LHX8: variants seen among roughly 807,000 people sequenced by gnomAD.
LHX8 encodes LIM homeobox 8.
Under a neutral mutation model 40.3 loss-of-function variants are expected in LHX8, and 12 were observed. That is an observed-to-expected ratio of 0.30 (90% confidence interval 0.19 to 0.48). The LOEUF (loss-of-function observed/expected upper bound fraction) is 0.48, where lower values mean the gene tolerates loss of function less well. Ranked by LOEUF, LHX8 falls within the 20% of genes least tolerant of loss-of-function variation. LHX8 has a pLI of 0.99. For synonymous variants in LHX8, 179 were observed against 162.0 expected (o/e 1.10, Z -0.80); for missense variants, 344 against 433.7 (o/e 0.79, Z 1.84).
intron 3 of LHX8, 32 bp downstream of exon 3, chr1:75,137,293 G>A (rs747178032): frequency 6.2e-7 from 1 of 1,604,932 alleles, no homozygotes; most frequent in Non-Finnish European, 8.5e-7. Context: ...GAGGCCCAAG[G>A]GGAGCGGGCT....
At chr1:75,137,342 A>C in intron 3 of LHX8, 81 bp downstream of exon 3, 1 of 1,410,924 alleles carries the variant, frequency 7.1e-7, no homozygotes, top group Non-Finnish European at 9.9e-7. Context: ...TGTTCCTCCC[A>C]CCAACCTTTC....
chr1:75,130,410 T>A, upstream of LHX8: 1 of 528,374 alleles, frequency 1.9e-6, no homozygotes, highest in Non-Finnish European at 3.4e-6. Context: ...CAGACCGCAG[T>A]GAGGAATGCC....
Position 75,148,598 on chromosome 1 carries a change from A to G in LHX8, c.696A>G (p.Ala232=). ...GTTTTAAACAACAGGTTATGCAAGCACAATTTGCTCAGGACAACAACCCAG... is the reference window on the plus strand; with the variant it reads ...GTTTTAAACAACAGGTTATGCAAGCGCAATTTGCTCAGGACAACAACCCAG... ...FTADQLQVMQ[A]QFAQDNNPDA... is the part of the protein sequence containing the mutation. The change falls in exon 7 of 9, where the codon GCA becomes GCG. Residue 232 remains alanine, a synonymous_variant. Coordinates refer to ENST00000356261, the MANE Select transcript of LHX8 (RefSeq NM_001256114.2). 3 of 1,613,672 alleles carry G rather than the reference A, an allele frequency of 1.9e-6. No homozygotes were observed. Among genetic ancestry groups the G allele is most frequent in the Non-Finnish European group, 2.5e-6 (3 of 1,179,620 alleles).
rs541563328 is a variant in LHX8 at position 75,135,907 on chromosome 1, C to G, written c.-12-696C>G. On this transcript the variant is annotated intron_variant, in intron 1 of 8. Coordinates refer to ENST00000356261, the MANE Select transcript of LHX8 (RefSeq NM_001256114.2). ...AGTGGCAATTTACACCTTAAAGAAACGAGTGTAAATCACTCGCCACTCTAA... is the reference window on the plus strand; with the variant it reads ...AGTGGCAATTTACACCTTAAAGAAAGGAGTGTAAATCACTCGCCACTCTAA... Among the ~76,000 whole-genome samples, 633 of 152,230 alleles carry G rather than the reference C, an allele frequency of 4.2e-3. 4 individuals carry two copies. Among genetic ancestry groups the G allele is most frequent in the African/African-American group, 0.014 (602 of 41,534 alleles).
At chr1:75,166,256 C>T (rs1363496850), downstream of LHX8, among the ~76,000 whole-genome samples, 1 of 152,210 alleles carries the variant, frequency 6.6e-6, no homozygotes, top group Non-Finnish European at 1.5e-5. Flanking sequence ...TTTACTCCAA[C>T]CTCCCTACAA....
chr1:75,153,700 C>T (rs543353644), intron 7 of LHX8, among the ~76,000 whole-genome samples: 8 of 152,304 alleles, frequency 5.3e-5, no homozygotes, highest in East Asian at 1.9e-4. Flanking sequence ...TGAGCCACCA[C>T]GCCGGGTCTA....
At chr1:75,197,917 C>A in the LHX8 span, among the ~76,000 whole-genome samples, 2 of 152,174 alleles carry the variant, frequency 1.3e-5, no homozygotes, top group South Asian at 4.1e-4. Flanking sequence ...AGCCTATGAT[C>A]ATCCAGTTAT....
At chr1:75,170,345 A>G in the LHX8 span, among the ~76,000 whole-genome samples, 5 of 152,318 alleles carry the variant, frequency 3.3e-5, no homozygotes, top group Non-Finnish European at 7.4e-5. Flanking sequence ...TCATAGCACA[A>G]AATCACTCAG....
chr1:75,143,107 A>G lies in LHX8; in HGVS notation c.360-11A>G. The G allele has an allele frequency of 6.2e-7, 1 of 1,603,718 alleles. No homozygotes were observed. The highest frequency in any genetic ancestry group is 8.5e-7 in the Non-Finnish European group (1 of 1,170,954). On this transcript the variant is annotated splice_polypyrimidine_tract_variant and intron_variant, in intron 4 of 8. Transcript: ENST00000356261. ...TAAAATATTTACCTTCCACACCTCT[A>G]TTTAATGTAGAAGGTATGGAACTCG...
chr1:75,137,188 G>C lies in LHX8; in HGVS notation c.164G>C (p.Gly55Ala). The change falls in exon 3 of 9, where the codon GGC (glycine) becomes GCC (alanine). Residue 55 changes from glycine to alanine, a missense_variant. By Grantham distance (60) the Gly-to-Ala change is moderately conservative (BLOSUM62 0). This residue lies in a region of LHX8 where 108 missense variants were observed against 90.1 expected (regional missense o/e 1.20). Coordinates refer to ENST00000356261, the MANE Select transcript of LHX8 (RefSeq NM_001256114.2). ...PSSSPRSMAS[G>A]SGCPPGKCVC... Reference sequence around the variant, plus strand: ...TCCTCGCCCCGGTCCATGGCCTCGGGCTCCGGCTGCCCTCCTGGCAAGTGT... The same window carrying C: ...TCCTCGCCCCGGTCCATGGCCTCGGCCTCCGGCTGCCCTCCTGGCAAGTGT... 6.2e-7 allele frequency: 1 copy of C among 1,613,560 alleles called. No homozygotes were observed. Among genetic ancestry groups the C allele is most frequent in the Non-Finnish European group, 8.5e-7 (1 of 1,179,960 alleles).
upstream of LHX8, among the ~76,000 whole-genome samples, chr1:75,134,123 G>A (rs1648045319): frequency 6.6e-6 from 1 of 152,048 alleles, no homozygotes; most frequent in Admixed American, 6.5e-5. Flanking sequence ...TAAAAGTTAT[G>A]GCAAATGCAG....
chr1:75,137,656 C>T (rs1236452183), intron 3 of LHX8, among the ~76,000 whole-genome samples: 1 of 152,212 alleles, frequency 6.6e-6, no homozygotes, highest in Non-Finnish European at 1.5e-5. Context: ...TCCCTCTAAA[C>T]GGACTGTGGT....
At chr1:75,160,540 T>C (rs1050571695) in intron 8 of LHX8, 1 of 423,740 alleles carries the variant, frequency 2.4e-6, no homozygotes, top group Non-Finnish European at 4.3e-6. Context: ...CATGTCTTTC[T>C]AGCTTCAGGG....
intron 7 of LHX8, among the ~76,000 whole-genome samples, chr1:75,150,942 C>T (rs979872132): frequency 6.6e-5 from 10 of 151,812 alleles, no homozygotes; most frequent in African/African-American, 2.2e-4. Context: ...TCCAAAGTGA[C>T]GGGATTACAG....
chr1:75,130,730 A>G, upstream of LHX8: 2 of 1,614,168 alleles, frequency 1.2e-6, no homozygotes, highest in Non-Finnish European at 1.7e-6. Flanking sequence ...GATTCTGAGC[A>G]GGGTAAGTTT....
chr1:75,188,449 G>C, the LHX8 span, among the ~76,000 whole-genome samples: 1 of 152,178 alleles, frequency 6.6e-6, no homozygotes, highest in Non-Finnish European at 1.5e-5. Flanking sequence ...TTCTACAACA[G>C]CTCTGGGAAC....
At chr1:75,179,501 TG>T in the LHX8 span, among the ~76,000 whole-genome samples, 172 of 128,454 alleles carry the variant, frequency 1.3e-3, 2 homozygotes, top group South Asian at 3.0e-3. Context: ...CAACCCCTGT[TG>T]TTTTTTTTTT....
chr1:75,171,415 T>TTTA, the LHX8 span, among the ~76,000 whole-genome samples: 5,627 of 150,206 alleles, frequency 0.037, 146 homozygotes, highest in African/African-American at 0.054. Context: ...GGGCCAAATT[T>TTTA]TTATTATTAT....
At chr1:75,197,790 T>C in the LHX8 span, among the ~76,000 whole-genome samples, 1 of 152,164 alleles carries the variant, frequency 6.6e-6, no homozygotes, top group Non-Finnish European at 1.5e-5. Flanking sequence ...CAACCCAATG[T>C]AGAGAAGCAG....
Sources: gnomAD v4.1 joint callset for allele counts (sites outside exome capture counted in the v4.1 genomes callset) on GRCh38, gnomAD v4.1.1 for gene constraint, gnomAD v4.1.1 regional missense constraint, MANE v1.5 for transcripts, NCBI Gene and HGNC (gene_info 2026-07-23, HGNC 2026-07-21) for gene names.